The following TLK1 variants were observed in gnomAD, a reference collection of about 807,000 sequenced individuals.
TLK1 encodes tousled like kinase 1, also known as serine/threonine-protein kinase tousled-like 1.
Under a neutral mutation model 105.3 loss-of-function variants are expected in TLK1, and 24 were observed. That is an observed-to-expected ratio of 0.23 (90% CI 0.17 to 0.32). The LOEUF (loss-of-function observed/expected upper bound fraction) is 0.32, where lower values mean the gene tolerates loss of function less well. Ranked by LOEUF, TLK1 falls within the 10% of genes least tolerant of loss-of-function variation. The pLI is 1.00. For missense variants in TLK1, 558 were observed against 910.5 expected (o/e 0.61, Z 4.98); for synonymous variants, 321 against 310.4 (o/e 1.03, Z -0.36).
chr2:171,011,502 AATT>A, intron 13 of TLK1, 48 bp from the exon 14 acceptor site: 4 of 1,522,278 alleles, frequency 2.6e-6, no homozygotes, highest in Non-Finnish European at 3.6e-6. Flanking sequence ...CACACATAAA[AATT>A]CCTTCTACAC....
chr2:171,228,213 TC>T (rs1693935501), intron 1 of TLK1, among the ~76,000 whole-genome samples: 1 of 152,100 alleles, frequency 6.6e-6, no homozygotes, highest in African/African-American at 2.4e-5. Context: ...ATTGACCTTT[TC>T]CTGAGAATAG....
intron 1 of TLK1, among the ~76,000 whole-genome samples, chr2:171,135,575 T>A (rs1465732807): frequency 6.6e-6 from 1 of 151,474 alleles, no homozygotes; most frequent in Non-Finnish European, 1.5e-5. Flanking sequence ...CCGAGGAGGG[T>A]GGATCACCTG....
intron 18 of TLK1, among the ~76,000 whole-genome samples, chr2:171,005,913 G>A (rs959145996): frequency 1.3e-5 from 2 of 152,148 alleles, no homozygotes; most frequent in African/African-American, 4.8e-5. Context: ...AGGTACTGAA[G>A]TCACTTGTTA....
chr2:171,209,496 T>C (rs1421492888), intron 1 of TLK1, among the ~76,000 whole-genome samples: 2 of 152,202 alleles, frequency 1.3e-5, no homozygotes, highest in East Asian at 1.9e-4. Context: ...AAGAAAGTAA[T>C]ATATACTCCT....
At chr2:171,185,085 C>T (rs563693796) in intron 1 of TLK1, among the ~76,000 whole-genome samples, 5 of 152,296 alleles carry the variant, frequency 3.3e-5, no homozygotes, top group East Asian at 1.9e-4. Flanking sequence ...ATGATCTGCC[C>T]GCCTTGGCCT....
intron 1 of TLK1, among the ~76,000 whole-genome samples, chr2:171,207,971 C>A (rs866463923): frequency 6.6e-6 from 1 of 152,148 alleles, no homozygotes; most frequent in African/African-American, 2.4e-5. Context: ...AAGTGATCTG[C>A]CTGCCTCAGC....
At chr2:171,107,900 A>T (rs1575600712) in intron 2 of TLK1, among the ~76,000 whole-genome samples, 2 of 152,082 alleles carry the variant, frequency 1.3e-5, no homozygotes, top group African/African-American at 4.8e-5. Flanking sequence ...TCTAAAAAAA[A>T]TACAAAAAAC....
intron 1 of TLK1, among the ~76,000 whole-genome samples, chr2:171,124,503 T>C (rs940399275): frequency 6.6e-6 from 1 of 152,238 alleles, no homozygotes; most frequent in Non-Finnish European, 1.5e-5. Context: ...ATATTTGTCC[T>C]GTTTCTAACA....
chr2:171,173,197 G>A (rs1239569684), intron 1 of TLK1, among the ~76,000 whole-genome samples: 1 of 152,210 alleles, frequency 6.6e-6, no homozygotes, highest in Non-Finnish European at 1.5e-5. Context: ...AAAGGAAACA[G>A]AAACTTGTAT....
At chr2:171,001,100 C>T (rs924749065) in intron 18 of TLK1, among the ~76,000 whole-genome samples, 2 of 152,178 alleles carry the variant, frequency 1.3e-5, no homozygotes, top group Admixed American at 6.5e-5. Flanking sequence ...AACAACTGGA[C>T]ACGGTTTTCT....
chr2:171,151,958 A>C (rs1282628126), intron 1 of TLK1, among the ~76,000 whole-genome samples: 3 of 152,184 alleles, frequency 2.0e-5, no homozygotes, highest in Admixed American at 6.5e-5. Context: ...AAAAAGTAAA[A>C]CATGTCTCTG....
Position 171,133,243 on chromosome 2 carries a change from A to T in TLK1, c.140-15386T>A, listed in dbSNP as rs182851122. Among the ~76,000 whole-genome samples the T allele has an allele frequency of 2.6e-5, 4 of 152,296 alleles. No individual in the cohort carries two copies. The South Asian group carries it at 8.3e-4, about 32-fold the overall frequency. ...GCCATCCAGGTTAAGAGAAAATAGGAGCCTAACTAGAACAGTGACAGATAA... is the reference window on the plus strand; with the variant it reads ...GCCATCCAGGTTAAGAGAAAATAGGTGCCTAACTAGAACAGTGACAGATAA... On this transcript the variant is annotated intron_variant, in intron 1 of 20. Coordinates refer to ENST00000431350, the MANE Select transcript of TLK1 (RefSeq NM_012290.5).
chr2:171,060,643 T>C (rs1687708459), intron 4 of TLK1, among the ~76,000 whole-genome samples: 1 of 152,306 alleles, frequency 6.6e-6, no homozygotes, highest in South Asian at 2.1e-4. Context: ...TCTTAGTTCA[T>C]ATCACAAAAA....
intron 1 of TLK1, among the ~76,000 whole-genome samples, chr2:171,190,874 G>T (rs78872456): frequency 0.037 from 5,639 of 151,946 alleles, 347 homozygotes; most frequent in African/African-American, 0.13. Flanking sequence ...TTAATTTTGT[G>T]TTCTTCTGGC....
intron 3 of TLK1, among the ~76,000 whole-genome samples, chr2:171,076,279 G>T (rs1470003649): frequency 6.6e-6 from 1 of 151,884 alleles, no homozygotes; most frequent in Non-Finnish European, 1.5e-5. Flanking sequence ...ATTATTGTGG[G>T]GATGGGTTCG....
chr2:171,055,203 C>CAAAAAAAAAAAAAA (rs71399594), intron 6 of TLK1, 31 bp from the exon 7 acceptor site: 13 of 518,328 alleles, frequency 2.5e-5, no homozygotes, highest in South Asian at 1.0e-4. Context: ...TTTATATTAG[C>CAAAAAAAAAAAAAA]AAAAAAAAAA....
At position 170,991,294 on chromosome 2, in the gene TLK1, A is replaced by T. The variant is rs1683770764; in HGVS notation, c.*2486T>A. On this transcript the variant is annotated 3_prime_UTR_variant, in exon 21 of 21. Transcript: ENST00000431350. ...GGAGACCAGAAAACAATAAAACCCT[A>T]AAAAAAACAGTGTCAAAGACTGTCA... 1 of 151,886 alleles carries T rather than the reference A, an allele frequency of 6.6e-6. No homozygotes were observed. Among genetic ancestry groups the T allele is most frequent in the Non-Finnish European group, 1.5e-5 (1 of 67,910 alleles). The allele number at this position is 151,886 out of a possible 1,614,324, so 9.4% of individuals were successfully genotyped here. A position where few individuals can be genotyped will look rare whatever the true frequency, so the allele number is the denominator to read the frequency against.
At position 170,993,682 on chromosome 2, in the gene TLK1, A is replaced by G. The variant is rs1575492056; in HGVS notation, c.*98T>C. The G allele has an allele frequency of 3.1e-6, 3 of 952,400 alleles. No homozygotes were observed. The East Asian group carries it at 1.0e-4, about 33-fold the overall frequency. The allele number at this position is 952,400 out of a possible 1,614,324, so 59.0% of individuals were successfully genotyped here. On this transcript the variant is annotated 3_prime_UTR_variant, in exon 21 of 21. Coordinates refer to ENST00000431350, the MANE Select transcript of TLK1 (RefSeq NM_012290.5). The stretch of plus-strand genomic sequence containing the variant: ...CACGTCTTGTGTAAAAAAAAAAAAA[A>G]AAAAAAAAGAAAAAGAAAACAAACA...
intron 11 of TLK1, among the ~76,000 whole-genome samples, chr2:171,032,593 A>G (rs994439101): frequency 3.9e-5 from 6 of 152,204 alleles, no homozygotes; most frequent in Non-Finnish European, 7.4e-5. Context: ...GAGTTCAAAA[A>G]GAGTTAATTA....
Sources: gnomAD v4.1 joint callset for allele counts (sites outside exome capture counted in the v4.1 genomes callset) on GRCh38, gnomAD v4.1.1 for gene constraint, MANE v1.5 for transcripts, NCBI Gene and HGNC (gene_info 2026-07-23, HGNC 2026-07-21) for gene names.